The following KLF12 variants were observed in gnomAD, a reference collection of about 807,000 sequenced individuals.
The protein encoded by KLF12 is KLF transcription factor 12.
Under a neutral mutation model 37.8 loss-of-function variants are expected in KLF12, and 9 were observed. The observed-to-expected ratio is 0.24, with a 90% CI of 0.14 to 0.42. The LOEUF is 0.42. Ranked by LOEUF, KLF12 falls within the 10% of genes least tolerant of loss-of-function variation. The probability of loss-of-function intolerance (pLI) is 1.00; values close to 1 mark genes in which losing one functional copy is unlikely to be tolerated. For missense variants in KLF12, 411 were observed against 516.0 expected, an observed-to-expected ratio of 0.80 and a Z score of 1.97; for synonymous variants, 208 against 202.1, an observed-to-expected ratio of 1.03 and a Z score of -0.25.
intron 6 of KLF12, among the ~76,000 whole-genome samples, chr13:73,757,908 A>G (rs183620731): frequency 2.6e-5 from 4 of 152,260 alleles, no homozygotes; most frequent in Admixed American, 6.5e-5. Flanking sequence ...TTTTAAGTTG[A>G]TATGTTAATT....
At chr13:73,929,807 T>C in intron 3 of KLF12, among the ~76,000 whole-genome samples, 1 of 152,192 alleles carries the variant, frequency 6.6e-6, no homozygotes. Context: ...CAGCCTTACA[T>C]TGCTCCCTTC....
intron 2 of KLF12, among the ~76,000 whole-genome samples, chr13:73,992,278 C>G (rs1891989362): frequency 6.6e-6 from 1 of 152,192 alleles, no homozygotes; most frequent in Admixed American, 6.5e-5. Flanking sequence ...AAGTGTGTAT[C>G]CACCAGATTT....
chr13:73,892,375 T>C (rs903079088), intron 3 of KLF12, among the ~76,000 whole-genome samples: 1 of 152,096 alleles, frequency 6.6e-6, no homozygotes, highest in Non-Finnish European at 1.5e-5. Context: ...AAAACTGACG[T>C]TGAAAAGAAC....
chr13:73,842,663 T>C (rs893468026), intron 4 of KLF12, among the ~76,000 whole-genome samples: 1 of 152,216 alleles, frequency 6.6e-6, no homozygotes, highest in Admixed American at 6.5e-5. Flanking sequence ...AGTACAATCA[T>C]CTACATTTAT....
chr13:74,012,493 T>C (rs143429314), intron 1 of KLF12, among the ~76,000 whole-genome samples: 45 of 152,330 alleles, frequency 3.0e-4, no homozygotes, highest in South Asian at 4.1e-4. Flanking sequence ...CCCTGCTACA[T>C]TGCTGATGGG....
chr13:73,752,994 G>A (rs1383373801), intron 6 of KLF12, among the ~76,000 whole-genome samples: 1 of 151,194 alleles, frequency 6.6e-6, no homozygotes, highest in Non-Finnish European at 1.5e-5. Flanking sequence ...CCTTGTGATC[G>A]ACCCGCCTTG....
intron 1 of KLF12, among the ~76,000 whole-genome samples, chr13:74,124,112 T>G (rs1877800651): frequency 6.6e-6 from 1 of 152,232 alleles, no homozygotes; most frequent in African/African-American, 2.4e-5. Context: ...AGCCTTGGTA[T>G]AATTCCACCA....
At chr13:74,059,140 T>C (rs1873429174) in intron 1 of KLF12, among the ~76,000 whole-genome samples, 4 of 152,250 alleles carry the variant, frequency 2.6e-5, no homozygotes, top group Admixed American at 6.5e-5. Flanking sequence ...TATGGCTGCA[T>C]AGTATTTCAG....
At chr13:74,222,483 A>G in the KLF12 span, among the ~76,000 whole-genome samples, 1 of 152,166 alleles carries the variant, frequency 6.6e-6, no homozygotes, top group Admixed American at 6.5e-5. Context: ...TATCACTACT[A>G]TACTCCTTTA....
intron 1 of KLF12, among the ~76,000 whole-genome samples, chr13:74,044,546 A>G (rs1893489036): frequency 6.6e-6 from 1 of 152,158 alleles, no homozygotes; most frequent in South Asian, 2.1e-4. Context: ...AAAGTCAACT[A>G]AAAGAGTTAC....
chr13:73,797,327 T>C (rs1882034942), intron 5 of KLF12, among the ~76,000 whole-genome samples: 1 of 152,210 alleles, frequency 6.6e-6, no homozygotes, highest in Non-Finnish European at 1.5e-5. Flanking sequence ...CTCTCTTAGC[T>C]ACATTATTCA....
intron 7 of KLF12, among the ~76,000 whole-genome samples, chr13:73,698,351 G>A (rs891521498): frequency 6.6e-6 from 1 of 152,112 alleles, no homozygotes; most frequent in Non-Finnish European, 1.5e-5. Context: ...TCTTAACAAG[G>A]ATGTGAGAGG....
At chr13:73,830,991 TACAC>T (rs71115618) in intron 4 of KLF12, among the ~76,000 whole-genome samples, 229 of 118,980 alleles carry the variant, frequency 1.9e-3, no homozygotes, top group Middle Eastern at 0.013. Flanking sequence ...ACGCAATTCA[TACAC>T]ACACACACAC....
intron 3 of KLF12, among the ~76,000 whole-genome samples, chr13:73,927,890 A>C (rs1593740004): frequency 2.2e-4 from 22 of 101,662 alleles, no homozygotes; most frequent in African/African-American, 4.0e-4. Context: ...ACAGAGTCTC[A>C]CTCTGTCACC....
the KLF12 span, among the ~76,000 whole-genome samples, chr13:74,264,247 T>C: frequency 2.6e-5 from 4 of 152,194 alleles, no homozygotes; most frequent in African/African-American, 9.6e-5. Context: ...ACAAACTAAG[T>C]GGCTTGGATA....
At chr13:73,982,534 T>C (rs2138187909) in intron 2 of KLF12, among the ~76,000 whole-genome samples, 1 of 152,354 alleles carries the variant, frequency 6.6e-6, no homozygotes, top group South Asian at 2.1e-4. Context: ...TCAGAAAGGA[T>C]ATCTTCCATT....
At chr13:73,728,402 A>T (rs1158788540) in intron 6 of KLF12, among the ~76,000 whole-genome samples, 1 of 152,178 alleles carries the variant, frequency 6.6e-6, no homozygotes, top group Non-Finnish European at 1.5e-5. Context: ...GTCAACTGCA[A>T]ATAGAGATAG....
chr13:73,722,272 T>C (rs7995173), intron 6 of KLF12, among the ~76,000 whole-genome samples: 96,704 of 151,958 alleles, frequency 0.64, 31,262 homozygotes, highest in East Asian at 0.73. Flanking sequence ...TTTCAGTTAA[T>C]CAGGATTTAC....
chr13:74,200,630 C>G, the KLF12 span, among the ~76,000 whole-genome samples: 2 of 152,014 alleles, frequency 1.3e-5, no homozygotes, highest in African/African-American at 4.8e-5. Flanking sequence ...TCACTCAGAT[C>G]TTTCTGAGAA....
Sources: gnomAD v4.1 joint callset for allele counts (sites outside exome capture counted in the v4.1 genomes callset) on GRCh38, gnomAD v4.1.1 for gene constraint, MANE v1.5 for transcripts, NCBI Gene and HGNC (gene_info 2026-07-23, HGNC 2026-07-21) for gene names.